DUOX1: variants seen among roughly 807,000 people sequenced by gnomAD.
DUOX1 encodes the protein dual oxidase 1, also known as NADPH thyroid oxidase 1.
In DUOX1, 134 loss-of-function variants were observed where a neutral mutation model predicts 181.8. The observed-to-expected ratio is 0.74, with a 90% CI of 0.64 to 0.85. The LOEUF (loss-of-function observed/expected upper bound fraction) is 0.85. Ranked by LOEUF, DUOX1 falls within the 40% of genes least tolerant of loss-of-function variation. DUOX1 has a pLI of 0.00. For synonymous variants in DUOX1, 798 were observed against 832.5 expected, an observed-to-expected ratio of 0.96 and a Z score of 0.71; for missense variants, 1,814 against 2,064.4, an observed-to-expected ratio of 0.88 and a Z score of 2.35.
At chr15:45,137,791 A>T in intron 9 of DUOX1, 133 bp from the exon 10 acceptor site, 1 of 617,382 alleles carries the variant, frequency 1.6e-6, no homozygotes, top group South Asian at 2.7e-5. Flanking sequence ...GGATGTGCTA[A>T]GGTCCGAACC....
chr15:45,141,107 C>T lies in DUOX1; in HGVS notation c.1565+37C>T, dbSNP rs780600074. On this transcript the variant is annotated intron_variant, in intron 13 of 33. Coordinates refer to ENST00000389037, the MANE Select transcript of DUOX1 (RefSeq NM_175940.3). ...TGGGCCTCCGCCTCAGGCTCTACCT[C>T]GGCCTGGGCCCCAGACCCTCTTTCT... The T allele has an allele frequency of 2.4e-5, 38 of 1,612,212 alleles. No individual in the cohort carries two copies. In the African/African-American group the frequency reaches 2.9e-4, roughly 12 times the overall value.
intron 31 of DUOX1, among the ~76,000 whole-genome samples, chr15:45,162,882 C>T (rs1897143028): frequency 6.6e-6 from 1 of 152,242 alleles, no homozygotes. Context: ...TCACACGGGT[C>T]CTTTCACACC....
chr15:45,151,569 G>A (rs1161775633), intron 23 of DUOX1, among the ~76,000 whole-genome samples: 2 of 152,178 alleles, frequency 1.3e-5, no homozygotes, highest in Non-Finnish European at 2.9e-5. Flanking sequence ...TGGGCGCCGG[G>A]TGGGAGTTGG....
Position 45,164,785 on chromosome 15 carries a change from A to AAGATC in DUOX1, c.4541_4545dup (p.Gly1516ArgfsTer12). ...CTTATTCCTCCTGCAACAGGTCCGG[A>AAGATC]AGATCGGGGTGTTTAGCTGTGGCCC... On this transcript the variant is annotated frameshift_variant, in exon 34 of 34. Transcript: ENST00000389037. LOFTEE classifies it high-confidence loss of function. The AAGATC allele has an allele frequency of 1.2e-6, 2 of 1,614,190 alleles. No individual in the cohort carries two copies. Among genetic ancestry groups the AAGATC allele is most frequent in the Non-Finnish European group, 1.7e-6 (2 of 1,180,032 alleles).
At chr15:45,142,696 G>A (rs891074687) in intron 15 of DUOX1, among the ~76,000 whole-genome samples, 1 of 151,788 alleles carries the variant, frequency 6.6e-6, no homozygotes, top group Non-Finnish European at 1.5e-5. Flanking sequence ...TTGCACTCCA[G>A]CCTGGGCAAC....
At chr15:45,138,289 T>C (rs1241979183) in intron 10 of DUOX1, among the ~76,000 whole-genome samples, 3 of 152,192 alleles carry the variant, frequency 2.0e-5, no homozygotes, top group Non-Finnish European at 4.4e-5. Context: ...CAGTGGGACC[T>C]GTGCAGGTAT....
chr15:45,139,634 G>C, intron 12 of DUOX1, 35 bp downstream of exon 12: 1 of 1,349,290 alleles, frequency 7.4e-7, no homozygotes, highest in Non-Finnish European at 1.0e-6. Flanking sequence ...GGTAGGGCGG[G>C]AGGGACAAGG....
intron 21 of DUOX1, 86 bp from the exon 22 acceptor site, chr15:45,150,546 G>C (rs1480586637): frequency 7.8e-7 from 1 of 1,274,620 alleles, no homozygotes; most frequent in East Asian, 2.3e-5. Context: ...GCCTGAGCAT[G>C]GGATGGTAGG....
chr15:45,147,807 A>C, intron 19 of DUOX1, 97 bp from the exon 20 acceptor site: 2 of 1,508,756 alleles, frequency 1.3e-6, no homozygotes, highest in Non-Finnish European at 1.8e-6. Context: ...CTGTGTCCAG[A>C]AGTGGGTCAT....
chr15:45,139,984 A>G (rs1896449710), intron 12 of DUOX1: 14 of 954,026 alleles, frequency 1.5e-5, no homozygotes, highest in Admixed American at 5.7e-5. Context: ...TTACACCCTG[A>G]GCTACCACCT....
chr15:45,138,327 G>GT (rs1567010033), intron 10 of DUOX1, among the ~76,000 whole-genome samples: 1 of 152,096 alleles, frequency 6.6e-6, no homozygotes, highest in Admixed American at 6.5e-5. Flanking sequence ...TCCCTCTCAC[G>GT]TTTTCCCTCT....
chr15:45,160,688 A>C (rs1173694803), intron 28 of DUOX1, 149 bp from the exon 29 acceptor site: 1 of 1,020,246 alleles, frequency 9.8e-7, no homozygotes, highest in African/African-American at 1.6e-5. Context: ...GGGAATGGTG[A>C]GGTTTTGCAA....
chr15:45,138,510 C>T (rs575374523), intron 10 of DUOX1: 17 of 156,672 alleles, frequency 1.1e-4, no homozygotes, highest in Middle Eastern at 3.2e-3. Flanking sequence ...GTCCATCCAT[C>T]CAAATCAGGC....
intron 27 of DUOX1, among the ~76,000 whole-genome samples, chr15:45,154,969 A>G (rs985356929): frequency 6.6e-6 from 1 of 152,246 alleles, no homozygotes; most frequent in Non-Finnish European, 1.5e-5. Context: ...GGTCCTGGCC[A>G]GTCACTAACA....
intron 30 of DUOX1, 79 bp downstream of exon 30, chr15:45,162,049 G>T: frequency 6.8e-7 from 1 of 1,477,936 alleles, no homozygotes; most frequent in Non-Finnish European, 9.2e-7. Context: ...TAGACTCCCC[G>T]CTCTGTGCCT....
At chr15:45,133,973 A>C in intron 3 of DUOX1, 26 bp downstream of exon 3, 1 of 1,611,002 alleles carries the variant, frequency 6.2e-7, no homozygotes, top group Non-Finnish European at 8.5e-7. Context: ...GTGGGGATAG[A>C]ACCCCAGGGC....
At position 45,163,875 on chromosome 15, in the gene DUOX1, C is replaced by T. The variant is rs144181354; in HGVS notation, c.4490C>T (p.Pro1497Leu). 1.1e-5 allele frequency: 18 copies of T among 1,614,056 alleles called. No individual in the cohort carries two copies. The highest frequency in any genetic ancestry group is 1.4e-5 in the Non-Finnish European group (17 of 1,180,028). ...TCCATCACCCACTTTGGCCGTCCCC[C>T]CTTTGAGCCCTTCTTCAACTCCCTG... is the stretch of plus-strand genomic sequence containing the variant. ...LRSITHFGRP[P>L]FEPFFNSLQE... The change falls in exon 33 of 34, where the codon CCC (proline) becomes CTC (leucine). Residue 1497 changes from proline (P) to leucine (L), a missense_variant. By Grantham distance (98) the Pro-to-Leu change is moderately conservative (BLOSUM62 -3). Coordinates refer to ENST00000389037, the MANE Select transcript of DUOX1 (RefSeq NM_175940.3).
intron 21 of DUOX1, among the ~76,000 whole-genome samples, chr15:45,148,795 T>C (rs2141280688): frequency 6.6e-6 from 1 of 152,116 alleles, no homozygotes; most frequent in Non-Finnish European, 1.5e-5. Context: ...TTCCCCTGGC[T>C]CCCTGCCAAA....
chr15:45,136,608 C>A lies in DUOX1; in HGVS notation c.1005C>A (p.Pro335=), dbSNP rs776963020. Residue 335 remains proline, a synonymous_variant, in exon 9 of 34, where the codon CCC becomes CCA. Coordinates refer to ENST00000389037, the MANE Select transcript of DUOX1 (RefSeq NM_175940.3). The part of the protein sequence containing the change: ...ASEQFLSTMV[P]PGVYMRNASC... ...AGCAGTTCCTGTCCACCATGGTGCC[C>A]CCTGGCGTCTACATGAGGTGAGGGA... 12 of 1,613,954 alleles carry A rather than the reference C, an allele frequency of 7.4e-6. No individual in the cohort carries two copies. In the Admixed American group the frequency reaches 2.0e-4, roughly 27 times the overall value.
Sources: allele counts gnomAD v4.1 joint callset (sites outside exome capture counted in the v4.1 genomes callset), GRCh38; gene constraint gnomAD v4.1.1; transcripts MANE v1.5; gene names NCBI Gene and HGNC (gene_info 2026-07-23, HGNC 2026-07-21).